SLCO1A2: variants seen among roughly 807,000 people sequenced by gnomAD.
The protein encoded by SLCO1A2 is OATP-1.
Under a neutral mutation model 69.0 loss-of-function variants are expected in SLCO1A2, and 67 were observed. The observed-to-expected ratio is 0.97, with a 90% CI of 0.80 to 1.19. SLCO1A2 has a LOEUF of 1.19. Ranked by LOEUF, SLCO1A2 falls within the 50% of genes most tolerant of loss-of-function variation. The probability of loss-of-function intolerance (pLI) is 0.00; values close to 1 mark genes in which losing one functional copy is unlikely to be tolerated. For missense variants in SLCO1A2, 787 were observed against 793.7 expected, an observed-to-expected ratio of 0.99 and a Z score of 0.10; for synonymous variants, 260 against 265.9, an observed-to-expected ratio of 0.98 and a Z score of 0.22.
rs559530890 is a variant in SLCO1A2, at chr12:21,283,721, G to GA, written c.1611-8298dup. On this transcript the variant is annotated intron_variant, in intron 12 of 14. Coordinates refer to ENST00000683939, the MANE Select transcript of SLCO1A2 (RefSeq NM_001386879.1). ...TGTAAGGAGCTCAAACAACTCTATA[G>GA]AAAAAAAATCTAATAATCCAATTAA... 3.2e-4 allele frequency among the ~76,000 whole-genome samples: 48 copies of GA among 151,924 alleles called. No individual in the cohort carries two copies. In the East Asian group the frequency reaches 7.7e-3, roughly 25 times the overall value.
chr12:21,317,562 T>C (rs1951034379), intron 3 of SLCO1A2, among the ~76,000 whole-genome samples: 2 of 152,188 alleles, frequency 1.3e-5, no homozygotes, highest in Admixed American at 1.3e-4. Flanking sequence ...ATTATCTGCA[T>C]CTCTACCTTC....
intron 2 of SLCO1A2, among the ~76,000 whole-genome samples, chr12:21,345,895 T>C (rs568191600): frequency 4.2e-4 from 64 of 152,152 alleles, no homozygotes; most frequent in Non-Finnish European, 7.5e-4. Context: ...CCTAGGCTTA[T>C]TGCTTTTTTG....
chr12:21,332,925 C>A (rs1008714282), intron 2 of SLCO1A2, among the ~76,000 whole-genome samples: 1 of 151,962 alleles, frequency 6.6e-6, no homozygotes, highest in African/African-American at 2.4e-5. Context: ...TTTTGTGAGA[C>A]CTAAATAGAA....
rs186400602 is a variant in SLCO1A2 at position 21,404,613 on chromosome 12, C to A, written c.-312+13269G>T. Among the ~76,000 whole-genome samples the A allele has an allele frequency of 8.8e-4, 134 of 152,268 alleles. 1 individual carries two copies. Among genetic ancestry groups the A allele is most frequent in the African/African-American group, 3.1e-3 (130 of 41,548 alleles). On this transcript the variant is annotated intron_variant, in intron 1 of 4. Transcript: ENST00000413682. The stretch of plus-strand genomic sequence containing the variant: ...AGTATTACATGGTGTATATATACCA[C>A]ATTTTCTTTATCCAGTCTATCACTG...
intron 2 of SLCO1A2, among the ~76,000 whole-genome samples, chr12:21,359,127 C>T (rs1184415413): frequency 2.0e-5 from 3 of 152,140 alleles, no homozygotes; most frequent in Non-Finnish European, 4.4e-5. Flanking sequence ...TGGGATAAGA[C>T]TAAAAACTAG....
intron 9 of SLCO1A2, among the ~76,000 whole-genome samples, chr12:21,296,147 C>A (rs141600989): frequency 1.3e-5 from 2 of 152,144 alleles, no homozygotes; most frequent in African/African-American, 2.4e-5. Context: ...TCATTTATTA[C>A]CCTCTATTCT....
At chr12:21,389,745 A>C (rs960313088) in intron 1 of SLCO1A2, among the ~76,000 whole-genome samples, 2 of 152,002 alleles carry the variant, frequency 1.3e-5, no homozygotes, top group African/African-American at 4.8e-5. Flanking sequence ...AGGCACACAC[A>C]TACAAATCAC....
At chr12:21,345,445 T>C (rs1020674937) in intron 2 of SLCO1A2, among the ~76,000 whole-genome samples, 1 of 152,094 alleles carries the variant, frequency 6.6e-6, no homozygotes, top group African/African-American at 2.4e-5. Flanking sequence ...GTTACATCTT[T>C]TGTTTTTCCT....
At chr12:21,320,779 A>G (rs1408420086) in intron 2 of SLCO1A2, among the ~76,000 whole-genome samples, 1 of 152,200 alleles carries the variant, frequency 6.6e-6, no homozygotes, top group African/African-American at 2.4e-5. Flanking sequence ...AATTAAAAGC[A>G]TGAGCCACCA....
At chr12:21,396,972 C>A (rs555154670), upstream of SLCO1A2, among the ~76,000 whole-genome samples, 499 of 151,134 alleles carry the variant, frequency 3.3e-3, 3 homozygotes, top group African/African-American at 0.011. Context: ...AACTAACGAG[C>A]AAAATAACCA....
At chr12:21,374,571 ATTTCAAGGCTTATTTAG>A (rs1940047781) in intron 1 of SLCO1A2, 1 of 152,168 alleles carries the variant, frequency 6.6e-6, no homozygotes, top group Non-Finnish European at 1.5e-5. Flanking sequence ...GCTTTTTGTC[ATTTCAAGGCTTATTTAG>A]TTTACAGGGT....
chr12:21,393,449 C>T (rs1196624345), intron 1 of SLCO1A2, among the ~76,000 whole-genome samples: 4 of 152,092 alleles, frequency 2.6e-5, no homozygotes, highest in African/African-American at 7.2e-5. Flanking sequence ...GAAAGAAATT[C>T]TAATCAATAT....
intron 11 of SLCO1A2, among the ~76,000 whole-genome samples, chr12:21,292,635 G>A (rs926756478): frequency 3.3e-5 from 5 of 149,912 alleles, no homozygotes; most frequent in East Asian, 2.0e-4. Context: ...TCACCCTGTC[G>A]CCCAGGCTGG....
intron 6 of SLCO1A2, among the ~76,000 whole-genome samples, 159 bp from the exon 7 acceptor site, chr12:21,301,428 T>C (rs1315759746): frequency 1.3e-5 from 2 of 152,236 alleles, no homozygotes; most frequent in African/African-American, 4.8e-5. Flanking sequence ...ATATAAATGA[T>C]GGTTGTTTCT....
intron 2 of SLCO1A2, among the ~76,000 whole-genome samples, chr12:21,370,430 C>T (rs991173879): frequency 6.6e-6 from 1 of 151,066 alleles, no homozygotes; most frequent in Non-Finnish European, 1.5e-5. Context: ...CTGCACCCAT[C>T]AACTCGTCAT....
chr12:21,363,591 A>C (rs911325951), intron 2 of SLCO1A2, among the ~76,000 whole-genome samples: 1 of 152,206 alleles, frequency 6.6e-6, no homozygotes, highest in African/African-American at 2.4e-5. Flanking sequence ...CCCTTCAAAA[A>C]ATAAATTAAG....
At chr12:21,395,760 C>A (rs546651636), upstream of SLCO1A2, among the ~76,000 whole-genome samples, 2 of 152,292 alleles carry the variant, frequency 1.3e-5, no homozygotes, top group East Asian at 1.9e-4. Flanking sequence ...CCAGCAGGGG[C>A]ACACTGACAC....
chr12:21,304,615 TAA>T lies in SLCO1A2; in HGVS notation c.443-44_443-43del, dbSNP rs768546912. 5.2e-6 allele frequency: 8 copies of T among 1,533,596 alleles called. No individual in the cohort carries two copies. The African/African-American group carries it at 1.1e-4, about 21-fold the overall frequency. The allele number at this position is 1,533,596 out of a possible 1,614,324, so 95.0% of individuals were successfully genotyped here. On this transcript the variant is annotated intron_variant, in intron 5 of 14. Coordinates refer to ENST00000683939, the MANE Select transcript of SLCO1A2 (RefSeq NM_001386879.1). The stretch of plus-strand genomic sequence containing the variant: ...AGACATGACATTAGTGCTTTGACGA[TAA>T]AGTGTCAGTAATATTAATTCTATGT...
intron 8 of SLCO1A2, among the ~76,000 whole-genome samples, chr12:21,298,326 G>A (rs1002024809): frequency 4.6e-5 from 7 of 152,146 alleles, no homozygotes; most frequent in Middle Eastern, 6.8e-3. Context: ...CCTGCTTCTA[G>A]TAATGTGTGG....
Sources: gnomAD v4.1 joint callset for allele counts (sites outside exome capture counted in the v4.1 genomes callset) on GRCh38, gnomAD v4.1.1 for gene constraint, MANE v1.5 for transcripts, NCBI Gene and HGNC (gene_info 2026-07-23, HGNC 2026-07-21) for gene names.